Variants in TLE1 observed in about 807,000 individuals in gnomAD.
TLE1 encodes TLE family member 1, transcriptional corepressor.
In TLE1, 21 loss-of-function variants were observed where a neutral mutation model predicts 89.8. That is an observed-to-expected ratio of 0.23 (90% CI 0.17 to 0.34). The LOEUF (loss-of-function observed/expected upper bound fraction) is 0.34, where lower values mean the gene tolerates loss of function less well. Among genes scored for constraint, TLE1 ranks in the 10% least tolerant of loss-of-function variants. The pLI, the probability that TLE1 is intolerant of heterozygous loss-of-function variation, is 1.00. For missense variants in TLE1, 795 were observed against 1,031.2 expected (o/e 0.77, Z 3.14); for synonymous variants, 447 against 407.6 (o/e 1.10, Z -1.16).
At chr9:81,643,927 C>G (rs1276373336) in intron 6 of TLE1, among the ~76,000 whole-genome samples, 1 of 152,236 alleles carries the variant, frequency 6.6e-6, no homozygotes, top group East Asian at 1.9e-4. Context: ...CCTGGAAGGC[C>G]ATTAAGGCTA....
intron 17 of TLE1, among the ~76,000 whole-genome samples, chr9:81,587,450 C>T (rs1237959959): frequency 1.3e-5 from 2 of 152,178 alleles, no homozygotes; most frequent in African/African-American, 4.8e-5. Context: ...TAACAGAGAA[C>T]ACACCTTAAC....
intron 8 of TLE1, among the ~76,000 whole-genome samples, chr9:81,627,426 T>C (rs546174871): frequency 2.6e-5 from 4 of 152,224 alleles, no homozygotes; most frequent in African/African-American, 7.2e-5. Context: ...ACCTGACTTA[T>C]TGCATCCACA....
At chr9:81,585,721 G>A (rs1420304918) in intron 17 of TLE1, 66 bp from the exon 18 acceptor site, 4 of 1,570,578 alleles carry the variant, frequency 2.5e-6, no homozygotes, top group South Asian at 1.2e-5. Flanking sequence ...AAGACGCAAT[G>A]TGAAAAGTGG....
chr9:81,675,779 C>T (rs796242520), intron 4 of TLE1, among the ~76,000 whole-genome samples: 11 of 147,704 alleles, frequency 7.4e-5, no homozygotes, highest in African/African-American at 2.8e-4. Flanking sequence ...CAGCTCACCA[C>T]AACCTCCAAC....
At chr9:81,672,148 G>A (rs1832306048) in intron 4 of TLE1, among the ~76,000 whole-genome samples, 1 of 152,150 alleles carries the variant, frequency 6.6e-6, no homozygotes, top group African/African-American at 2.4e-5. Context: ...CAACTTTGGA[G>A]CTTGTTTGAG....
At chr9:81,631,354 C>A (rs914711101) in intron 8 of TLE1, among the ~76,000 whole-genome samples, 1 of 152,224 alleles carries the variant, frequency 6.6e-6, no homozygotes. Context: ...TAAAATACAT[C>A]TCTACTAGCT....
intron 6 of TLE1, among the ~76,000 whole-genome samples, chr9:81,642,071 T>C (rs1037263073): frequency 3.1e-5 from 4 of 130,828 alleles, no homozygotes; most frequent in Non-Finnish European, 6.5e-5. Context: ...CCTGCTGAAA[T>C]GGTGGGTAAC....
intron 18 of TLE1, 69 bp from the exon 19 acceptor site, chr9:81,584,593 A>C: frequency 7.2e-7 from 1 of 1,397,406 alleles, no homozygotes; most frequent in Non-Finnish European, 1.0e-6. Flanking sequence ...AGCAACTTGG[A>C]CTTAATCAAA....
Position 81,687,390 on chromosome 9 carries a change from C to A in TLE1, c.69G>T (p.Pro23=). The A allele has an allele frequency of 6.2e-7, 1 of 1,611,168 alleles. No individual in the cohort carries two copies. The highest frequency in any genetic ancestry group is 1.7e-5 in the Admixed American group (1 of 59,748). ...AAGQPFKFTI[P]ESLDRIKEEF... is the part of the protein sequence containing the mutation. ...CCTCTTTAATCCGGTCCAGGGACTC[C>A]GGGATAGTGAACTTGAAGGGCTGGC... Residue 23 remains proline (P), a synonymous_variant, in exon 2 of 20, where the codon CCG becomes CCT. Coordinates refer to ENST00000376499, the MANE Select transcript of TLE1 (RefSeq NM_005077.5).
chr9:81,657,950 C>T (rs1830342324), intron 4 of TLE1, among the ~76,000 whole-genome samples: 1 of 147,846 alleles, frequency 6.8e-6, no homozygotes, highest in Non-Finnish European at 1.5e-5. Flanking sequence ...CGCTCTGTCA[C>T]CTAGGCTGGA....
At chr9:81,637,021 A>G (rs906197030) in intron 6 of TLE1, among the ~76,000 whole-genome samples, 1 of 151,740 alleles carries the variant, frequency 6.6e-6, no homozygotes, top group Non-Finnish European at 1.5e-5. Flanking sequence ...AAAAAAGAAA[A>G]AAGAAAAAAA....
intron 6 of TLE1, among the ~76,000 whole-genome samples, chr9:81,636,851 CA>C (rs1827432193): frequency 2.7e-5 from 4 of 150,780 alleles, no homozygotes; most frequent in Admixed American, 2.6e-4. Context: ...AAAAATACAA[CA>C]ATAAGCCAGG....
intron 9 of TLE1, among the ~76,000 whole-genome samples, chr9:81,618,351 T>A (rs970279407): frequency 1.3e-5 from 2 of 152,144 alleles, no homozygotes; most frequent in Non-Finnish European, 2.9e-5. Context: ...GGCCCACAAA[T>A]CTAGTCTAGA....
intron 6 of TLE1, among the ~76,000 whole-genome samples, chr9:81,641,253 C>T (rs757122349): frequency 4.8e-4 from 73 of 151,958 alleles, no homozygotes; most frequent in Admixed American, 1.6e-3. Context: ...TGGTATGCTA[C>T]GTAAACACGT....
At position 81,637,733 on chromosome 9, in the gene TLE1, G is replaced by C. The variant is rs535032217; in HGVS notation, c.373-3432C>G. Reference sequence around the variant, plus strand: ...ATGGATCACAACTGCTGAAGATGTCGTGATTCTAGGAAATGTGGCCATTCC... The same window carrying C: ...ATGGATCACAACTGCTGAAGATGTCCTGATTCTAGGAAATGTGGCCATTCC... On this transcript the variant is annotated intron_variant, in intron 6 of 19. Coordinates refer to ENST00000376499, the MANE Select transcript of TLE1 (RefSeq NM_005077.5). Among the ~76,000 whole-genome samples, 7 of 150,406 alleles carry C rather than the reference G, an allele frequency of 4.7e-5. No individual in the cohort carries two copies. The East Asian group carries it at 1.2e-3, about 25-fold the overall frequency.
At chr9:81,680,034 G>C (rs923810352) in intron 4 of TLE1, among the ~76,000 whole-genome samples, 1 of 152,162 alleles carries the variant, frequency 6.6e-6, no homozygotes, top group Admixed American at 6.5e-5. Context: ...CTATTTGGGA[G>C]AACATCTTAA....
intron 14 of TLE1, among the ~76,000 whole-genome samples, chr9:81,598,641 A>C (rs901702840): frequency 6.6e-6 from 1 of 152,116 alleles, no homozygotes; most frequent in Non-Finnish European, 1.5e-5. Flanking sequence ...ATTCCTCTCT[A>C]AGCCCCTGGG....
intron 6 of TLE1, among the ~76,000 whole-genome samples, chr9:81,640,932 A>G (rs1245592586): frequency 2.0e-5 from 3 of 152,172 alleles, no homozygotes; most frequent in African/African-American, 7.2e-5. Flanking sequence ...AATTTCTGAA[A>G]CTTCACCCGC....
chr9:81,673,285 A>AC (rs1180919020), intron 4 of TLE1, among the ~76,000 whole-genome samples: 1 of 151,114 alleles, frequency 6.6e-6, no homozygotes, highest in South Asian at 2.1e-4. Context: ...AAAAAAAAAA[A>AC]AAAAAAAAAC....
Sources: gnomAD v4.1 joint callset for allele counts (sites outside exome capture counted in the v4.1 genomes callset) on GRCh38, gnomAD v4.1.1 for gene constraint, MANE v1.5 for transcripts, NCBI Gene and HGNC (gene_info 2026-07-23, HGNC 2026-07-21) for gene names.